GPC5: variants seen among roughly 807,000 people sequenced by gnomAD.
GPC5 encodes glypican-5.
A neutral mutation model predicts 53.9 loss-of-function variants in GPC5; 47 were observed. The ratio of observed to expected loss-of-function variants is 0.87; its 90% confidence interval spans 0.69 to 1.11. GPC5 has a LOEUF of 1.11. Among genes scored for constraint, GPC5 ranks in the 50% most tolerant of loss-of-function variants. The probability of loss-of-function intolerance (pLI) is 0.00; values close to 1 mark genes in which losing one functional copy is unlikely to be tolerated. For synonymous variants in GPC5, 286 were observed against 263.3 expected (o/e 1.09, Z -0.84); for missense variants, 748 against 713.1 (o/e 1.05, Z -0.56).
chr13:92,068,436 C>A (rs114976814), intron 6 of GPC5, among the ~76,000 whole-genome samples: 1 of 151,580 alleles, frequency 6.6e-6, no homozygotes, highest in Admixed American at 6.6e-5. Context: ...AGATTTTCTA[C>A]GTATGCAATA....
intron 2 of GPC5, among the ~76,000 whole-genome samples, chr13:91,456,429 A>C (rs545161622): frequency 6.6e-6 from 1 of 151,982 alleles, no homozygotes; most frequent in Non-Finnish European, 1.5e-5. Context: ...TTAAAAGAGA[A>C]CCAATTTATC....
chr13:91,666,283 A>G (rs1411022073), intron 2 of GPC5, among the ~76,000 whole-genome samples: 3 of 152,230 alleles, frequency 2.0e-5, no homozygotes, highest in Non-Finnish European at 2.9e-5. Context: ...AGACCAAACA[A>G]AAGGTCTAGA....
intron 2 of GPC5, among the ~76,000 whole-genome samples, chr13:91,621,079 G>A (rs113955843): frequency 3.5e-3 from 538 of 152,234 alleles, no homozygotes; most frequent in African/African-American, 0.011. Context: ...GTTAGAATGT[G>A]TGGGGAGATA....
chr13:92,473,664 A>G lies in GPC5; in HGVS notation c.1561+328675A>G, dbSNP rs564113162. ...TTTAAGTTTTATAATTTAGCTTAAA[A>G]CAGTTATGTAAATTGTATATAGACA... On this transcript the variant is annotated intron_variant, in intron 7 of 7. Transcript: ENST00000377067. 4.6e-5 allele frequency among the ~76,000 whole-genome samples: 7 copies of G among 152,268 alleles called. No homozygotes were observed. In the South Asian group the frequency reaches 1.4e-3, roughly 32 times the overall value.
At chr13:91,594,352 C>T (rs1245760823) in intron 2 of GPC5, among the ~76,000 whole-genome samples, 1 of 152,116 alleles carries the variant, frequency 6.6e-6, no homozygotes, top group Non-Finnish European at 1.5e-5. Context: ...TATTTCTATA[C>T]AAGGAATTTA....
At chr13:92,309,720 CAT>C (rs970640367) in intron 7 of GPC5, among the ~76,000 whole-genome samples, 1 of 151,990 alleles carries the variant, frequency 6.6e-6, no homozygotes, top group African/African-American at 2.4e-5. Flanking sequence ...CATTATCTCA[CAT>C]GTTTATCTTT....
At chr13:92,230,245 C>T (rs1204430907) in intron 7 of GPC5, among the ~76,000 whole-genome samples, 1 of 152,050 alleles carries the variant, frequency 6.6e-6, no homozygotes, top group East Asian at 1.9e-4. Flanking sequence ...TATAAATTGA[C>T]TTTTTACAAT....
At chr13:91,708,673 A>T (rs1486631571) in intron 3 of GPC5, among the ~76,000 whole-genome samples, 3 of 152,192 alleles carry the variant, frequency 2.0e-5, no homozygotes, top group Admixed American at 6.5e-5. Flanking sequence ...GGCGAATTTT[A>T]TGTTCTGTGA....
intron 6 of GPC5, among the ~76,000 whole-genome samples, chr13:91,949,150 T>A (rs1396929449): frequency 6.6e-6 from 1 of 152,204 alleles, no homozygotes; most frequent in South Asian, 2.1e-4. Context: ...TTGCTGCCCA[T>A]TTGTTTTGTG....
At chr13:91,879,816 A>G (rs2039244927) in intron 5 of GPC5, among the ~76,000 whole-genome samples, 1 of 152,200 alleles carries the variant, frequency 6.6e-6, no homozygotes, top group South Asian at 2.1e-4. Flanking sequence ...ATTTCCTGGT[A>G]TTAAATCTTT....
In GPC5 at chr13:91,682,226, G is replaced by T. The variant is rs74459074; in HGVS notation, c.326-10961G>T. Reference sequence around the variant, plus strand: ...TTATATACACAGTATTATTATGGTGGTCGTGCTAGTAAGAGTACCCGTATC... The same window carrying T: ...TTATATACACAGTATTATTATGGTGTTCGTGCTAGTAAGAGTACCCGTATC... On this transcript the variant is annotated intron_variant, in intron 2 of 7. Transcript: ENST00000377067. Among the ~76,000 whole-genome samples the T allele has an allele frequency of 9.6e-3, 1,457 of 152,238 alleles. 27 individuals are homozygous for T. The highest frequency in any genetic ancestry group is 0.033 in the African/African-American group (1,365 of 41,522).
chr13:91,572,843 A>G (rs930799462), intron 2 of GPC5, among the ~76,000 whole-genome samples: 4 of 152,180 alleles, frequency 2.6e-5, no homozygotes, highest in African/African-American at 9.7e-5. Flanking sequence ...TAAATATTCA[A>G]CCTATTCTAA....
chr13:92,528,341 T>C (rs767275795), intron 7 of GPC5, among the ~76,000 whole-genome samples: 1 of 152,148 alleles, frequency 6.6e-6, no homozygotes, highest in Non-Finnish European at 1.5e-5. Flanking sequence ...CTAATGTAAG[T>C]CATGCCAATC....
chr13:91,412,618 G>A (rs1208359308), intron 1 of GPC5, among the ~76,000 whole-genome samples: 1 of 152,216 alleles, frequency 6.6e-6, no homozygotes, highest in African/African-American at 2.4e-5. Flanking sequence ...CTGTGGATAT[G>A]TGAAGATTAG....
intron 5 of GPC5, among the ~76,000 whole-genome samples, chr13:91,859,633 T>G (rs1314431559): frequency 6.6e-6 from 1 of 151,986 alleles, no homozygotes; most frequent in African/African-American, 2.4e-5. Context: ...ATTTCTTCTT[T>G]TAATCAGTCC....
intron 7 of GPC5, among the ~76,000 whole-genome samples, chr13:92,604,200 C>CA (rs1884176203): frequency 6.6e-6 from 1 of 151,992 alleles, no homozygotes; most frequent in East Asian, 1.9e-4. Context: ...GAATTCACTT[C>CA]AAGGTAAACT....
intron 3 of GPC5, among the ~76,000 whole-genome samples, chr13:91,709,739 G>GT (rs1399712437): frequency 3.9e-5 from 6 of 152,154 alleles, no homozygotes; most frequent in Non-Finnish European, 8.8e-5. Context: ...ACTGTTGGTT[G>GT]TGCTTACCAC....
chr13:91,478,417 A>C (rs2139204180), intron 2 of GPC5, among the ~76,000 whole-genome samples: 1 of 152,162 alleles, frequency 6.6e-6, no homozygotes, highest in Admixed American at 6.5e-5. Context: ...ATAAAAATGT[A>C]AAGAGAAATA....
At chr13:91,441,657 C>G (rs1880440536) in intron 1 of GPC5, among the ~76,000 whole-genome samples, 1 of 152,156 alleles carries the variant, frequency 6.6e-6, no homozygotes, top group Non-Finnish European at 1.5e-5. Context: ...GCAGATTGTT[C>G]TATATTAATG....
Sources: allele counts gnomAD v4.1 joint callset (sites outside exome capture counted in the v4.1 genomes callset), GRCh38; gene constraint gnomAD v4.1.1; transcripts MANE v1.5; gene names NCBI Gene and HGNC (gene_info 2026-07-23, HGNC 2026-07-21).